Variants in ABCA1 observed in about 807,000 individuals in gnomAD.
ABCA1 encodes the protein phospholipid-transporting ATPase ABCA1.
In ABCA1, 133 loss-of-function variants were observed where a neutral mutation model predicts 262.5. The observed-to-expected ratio is 0.51, with a 90% CI of 0.44 to 0.59. ABCA1 has a LOEUF of 0.59. Among genes scored for constraint, ABCA1 ranks in the 20% least tolerant of loss-of-function variants. The pLI is 0.00. For synonymous variants in ABCA1, 1,022 were observed against 1,043.5 expected, an observed-to-expected ratio of 0.98 and a Z score of 0.40; for missense variants, 2,452 against 2,777.5, an observed-to-expected ratio of 0.88 and a Z score of 2.63.
chr9:104,814,122 G>A lies in ABCA1; in HGVS notation c.3897C>T (p.Asp1299=), dbSNP rs201173550. Residue 1299 remains aspartate, a synonymous_variant, in exon 27 of 50, where the codon GAC becomes GAT. Transcript: ENST00000374736. ...DAADPNDSDI[D]PESRETDLLS... ...TTTGATCTTGCCCTAACAGACCTGGGTCTATGTCAGAATCATTTGGATCAG... is the reference window on the plus strand; with the variant it reads ...TTTGATCTTGCCCTAACAGACCTGGATCTATGTCAGAATCATTTGGATCAG... The A allele has an allele frequency of 4.7e-5, 76 of 1,614,034 alleles. 1 individual carries two copies. In the East Asian group the frequency reaches 4.9e-4, roughly 10 times the overall value.
At chr9:104,784,546 T>C in intron 49 of ABCA1, 91 bp from the exon 50 acceptor site, 1 of 1,478,716 alleles carries the variant, frequency 6.8e-7, no homozygotes. Flanking sequence ...TGAAATTAGG[T>C]CAAGTAGGAG....
intron 44 of ABCA1, 63 bp downstream of exon 44, chr9:104,790,859 A>T: frequency 8.6e-7 from 1 of 1,158,758 alleles, no homozygotes; most frequent in Non-Finnish European, 1.3e-6. Flanking sequence ...ATAACAACCT[A>T]TTTCTTTAAA....
Position 104,812,469 on chromosome 9 carries a change from TCCGGCA to T in ABCA1, c.4050+99_4050+104del, listed in dbSNP as rs375618866. 3,420 of 1,453,502 alleles carry T rather than the reference TCCGGCA, an allele frequency of 2.4e-3. 60 individuals carry two copies. In the African/African-American group the frequency reaches 0.042, roughly 18 times the overall value. 90.0% of individuals were successfully genotyped at this position (1,453,502 alleles called of 1,614,324 possible). On this transcript the variant is annotated intron_variant, in intron 28 of 49. Coordinates refer to ENST00000374736, the MANE Select transcript of ABCA1 (RefSeq NM_005502.4). Reference sequence around the variant, plus strand: ...GGATTGAAATACAGATAAATCTGGCTCCGGCATCCATATCTTGACCAGGATGCTATC... The same window carrying T: ...GGATTGAAATACAGATAAATCTGGCTTCCATATCTTGACCAGGATGCTATC...
At chr9:104,798,139 C>T (rs1564091930) in intron 37 of ABCA1, among the ~76,000 whole-genome samples, 1 of 152,180 alleles carries the variant, frequency 6.6e-6, no homozygotes. Context: ...ACTTGTATCT[C>T]TCTGATTCTT....
At chr9:104,802,204 A>AGTATCATC (rs776785791) in intron 33 of ABCA1, 45 bp from the exon 34 acceptor site, 2 of 1,525,410 alleles carry the variant, frequency 1.3e-6, no homozygotes, top group South Asian at 2.2e-5. Flanking sequence ...TGGGGTGCAC[A>AGTATCATC]GTATCATCAG....
chr9:104,922,465 AC>A (rs1183990444), intron 1 of ABCA1, among the ~76,000 whole-genome samples: 1 of 152,062 alleles, frequency 6.6e-6, no homozygotes, highest in Non-Finnish European at 1.5e-5. Flanking sequence ...CTACTTACGA[AC>A]TCCATAATAA....
intron 3 of ABCA1, among the ~76,000 whole-genome samples, chr9:104,888,004 C>CTTTTCT (rs2118317776): frequency 6.6e-6 from 1 of 151,690 alleles, no homozygotes; most frequent in South Asian, 2.1e-4. Flanking sequence ...CTGGCCCGCT[C>CTTTTCT]TTTTCTTTTT....
intron 2 of ABCA1, among the ~76,000 whole-genome samples, chr9:104,891,944 G>A (rs142914080): frequency 0.02 from 2,624 of 130,656 alleles, 101 homozygotes; most frequent in African/African-American, 0.071. Flanking sequence ...CGGCCTGGGC[G>A]ACAGAGCAAG....
Position 104,858,622 on chromosome 9 carries a change from C to A in ABCA1, c.620G>T (p.Gly207Val). 2.5e-6 allele frequency: 4 copies of A among 1,614,146 alleles called. No homozygotes were observed. The highest frequency in any genetic ancestry group is 1.1e-5 in the South Asian group (1 of 91,080). ...ACAAAGCTCAGAAACTTCTTGGTCA[C>A]CAAGTTGAATCATCTCTTCTGATTT... Reference protein sequence around the residue: ...GSKSEEMIQLGDQEVSELCGL... With the variant: ...GSKSEEMIQLVDQEVSELCGL... Residue 207 changes from glycine to valine, a missense_variant, in exon 7 of 50, where the codon GGT (glycine) becomes GTT (valine). This residue lies in a region of ABCA1 where 1,032 missense variants were observed against 1,089.7 expected (regional missense o/e 0.95). Coordinates refer to ENST00000374736, the MANE Select transcript of ABCA1 (RefSeq NM_005502.4).
At position 104,851,389 on chromosome 9, in the gene ABCA1, G is replaced by A. The variant is rs148877147; in HGVS notation, c.721-5820C>T. Among the ~76,000 whole-genome samples, 774 of 152,186 alleles carry A rather than the reference G, an allele frequency of 5.1e-3. 4 individuals are homozygous for A. The highest frequency in any genetic ancestry group is 0.017 in the African/African-American group (719 of 41,504). On this transcript the variant is annotated intron_variant, in intron 7 of 49. Transcript: ENST00000374736. The stretch of plus-strand genomic sequence containing the variant: ...CTTTGCCCACCTCTGCAGGCATCAC[G>A]TCTCATCGTTCCTTCTCCCATCAAA...
chr9:104,919,913 C>A (rs62568202), intron 1 of ABCA1, among the ~76,000 whole-genome samples: 1 of 152,150 alleles, frequency 6.6e-6, no homozygotes, highest in African/African-American at 2.4e-5. Context: ...CAGGAATGCT[C>A]TGAGGCATTC....
intron 3 of ABCA1, among the ~76,000 whole-genome samples, chr9:104,885,696 C>T (rs1389345189): frequency 2.0e-5 from 3 of 152,062 alleles, no homozygotes; most frequent in African/African-American, 4.8e-5. Context: ...GGTTTGCGGC[C>T]GTAATACATG....
intron 44 of ABCA1, among the ~76,000 whole-genome samples, chr9:104,790,073 G>A (rs2118851508): frequency 6.7e-6 from 1 of 150,188 alleles, no homozygotes; most frequent in South Asian, 2.1e-4. Context: ...TCCAGCCTGG[G>A]CAGTAAGAGT....
In ABCA1 at chr9:104,783,378, G is replaced by A. The variant is rs1372555688; in HGVS notation, c.*937C>T. 6.6e-6 allele frequency: 1 copy of A among 152,216 alleles called. No homozygotes were observed. Among genetic ancestry groups the A allele is most frequent in the East Asian group, 1.9e-4 (1 of 5,200 alleles). 9.4% of individuals were successfully genotyped at this position (152,216 alleles called of 1,614,324 possible). On this transcript the variant is annotated 3_prime_UTR_variant, in exon 50 of 50. Transcript: ENST00000374736. ...CACTTGTGTCAGATAAACATCTTGAGATGCAGTGTACCATGTTAGCAGACA... is the reference window on the plus strand; with the variant it reads ...CACTTGTGTCAGATAAACATCTTGAAATGCAGTGTACCATGTTAGCAGACA...
At chr9:104,879,289 A>G (rs1003452900) in intron 5 of ABCA1, among the ~76,000 whole-genome samples, 1 of 152,146 alleles carries the variant, frequency 6.6e-6, no homozygotes, top group African/African-American at 2.4e-5. Flanking sequence ...TTGGGAATCT[A>G]CTATGTGCCA....
chr9:104,889,136 A>G lies in ABCA1; in HGVS notation c.126T>C (p.Val42=), dbSNP rs375663888. 119 of 1,614,216 alleles carry G rather than the reference A, an allele frequency of 7.4e-5. No individual in the cohort carries two copies. The African/African-American group carries it at 1.5e-3, about 20-fold the overall frequency. Residue 42 remains valine, a synonymous_variant, in exon 3 of 50, where the codon GTT becomes GTC. Transcript: ENST00000374736. ...PLFIFLILIS[V]RLSYPPYEQH... ...GTTCATAGGGTGGGTAGCTCAGCCG[A>G]ACAGAGATCAGGATCAGGAAGATAA...
chr9:104,798,320 T>C, intron 37 of ABCA1, 101 bp downstream of exon 37: 1 of 1,396,530 alleles, frequency 7.2e-7, no homozygotes, highest in South Asian at 1.2e-5. Context: ...TTAGAGTAGC[T>C]GGAACATTTC....
At chr9:104,843,101 A>G (rs567036520) in intron 8 of ABCA1, among the ~76,000 whole-genome samples, 4 of 152,134 alleles carry the variant, frequency 2.6e-5, no homozygotes, top group Admixed American at 2.6e-4. Flanking sequence ...CACCCCCTTT[A>G]AAAAAAGCAC....
chr9:104,873,817 G>A (rs1047547266), intron 5 of ABCA1, among the ~76,000 whole-genome samples: 1 of 152,168 alleles, frequency 6.6e-6, no homozygotes, highest in South Asian at 2.1e-4. Context: ...TAGTCCTGAG[G>A]GAGGTACTAT....
Sources: gnomAD v4.1 joint callset for allele counts (sites outside exome capture counted in the v4.1 genomes callset) on GRCh38, gnomAD v4.1.1 for gene constraint, gnomAD v4.1.1 regional missense constraint, MANE v1.5 for transcripts, NCBI Gene and HGNC (gene_info 2026-07-23, HGNC 2026-07-21) for gene names.